Variants in TRMT11 observed in about 807,000 individuals in gnomAD.
TRMT11 encodes tRNA methyltransferase 11.
In TRMT11, 53 loss-of-function variants were observed where a neutral mutation model predicts 62.8. The ratio of observed to expected loss-of-function variants is 0.84; its 90% CI spans 0.68 to 1.06. TRMT11 has a LOEUF of 1.06. Among genes scored for constraint, TRMT11 ranks in the 50% least tolerant of loss-of-function variants. The probability of loss-of-function intolerance (pLI) is 0.00; values close to 1 mark genes in which losing one functional copy is unlikely to be tolerated. For synonymous variants in TRMT11, 188 were observed against 190.3 expected, an observed-to-expected ratio of 0.99 and a Z score of 0.10; for missense variants, 556 against 553.4, an observed-to-expected ratio of 1.00 and a Z score of -0.05.
At chr6:126,257,954 G>T in the TRMT11 span, 1 of 1,557,068 alleles carries the variant, frequency 6.4e-7, no homozygotes. Context: ...GCTTCTGCAT[G>T]CCCCGGATCT....
the TRMT11 span, chr6:126,258,285 C>T: frequency 2.0e-6 from 1 of 495,950 alleles, no homozygotes; most frequent in East Asian, 5.2e-5. Context: ...TGAAAGTAAA[C>T]ACGTGGTCCT....
At chr6:126,257,835 C>T in the TRMT11 span, 1 of 1,010,270 alleles carries the variant, frequency 9.9e-7, no homozygotes, top group Non-Finnish European at 1.5e-6. Context: ...CTGAGCCTGG[C>T]CACAGGGTCC....
At chr6:126,095,310 A>G (rs1777328285) in intron 17 of TRMT11, among the ~76,000 whole-genome samples, 1 of 152,176 alleles carries the variant, frequency 6.6e-6, no homozygotes, top group Admixed American at 6.5e-5. Flanking sequence ...CCTCAGCTAT[A>G]TTGCCTACTG....
chr6:126,113,201 A>T (rs181106227), intron 18 of TRMT11, among the ~76,000 whole-genome samples: 4 of 152,208 alleles, frequency 2.6e-5, no homozygotes, highest in African/African-American at 7.2e-5. Flanking sequence ...CTGAAGCTGT[A>T]GTATTTTGAC....
intron 17 of TRMT11, among the ~76,000 whole-genome samples, chr6:126,077,593 A>G (rs932345472): frequency 6.6e-6 from 1 of 152,122 alleles, no homozygotes; most frequent in Non-Finnish European, 1.5e-5. Context: ...CTCCCAAAGA[A>G]CTGGGACTGC....
intron 21 of TRMT11, among the ~76,000 whole-genome samples, chr6:126,121,752 G>C (rs1042447338): frequency 2.3e-4 from 35 of 152,066 alleles, no homozygotes; most frequent in African/African-American, 7.5e-4. Flanking sequence ...GACAATTTAT[G>C]TTCTCTTGGA....
At chr6:126,269,763 A>G in the TRMT11 span, among the ~76,000 whole-genome samples, 1 of 152,356 alleles carries the variant, frequency 6.6e-6, no homozygotes, top group African/African-American at 2.4e-5. Flanking sequence ...AGTTATTTCT[A>G]TAATGTGTTT....
rs1362002836 is a variant in TRMT11, at chr6:126,013,090, G to A, written c.1128G>A (p.Val376=). The A allele has an allele frequency of 6.2e-6, 10 of 1,612,570 alleles. No individual in the cohort carries two copies. The highest frequency in any genetic ancestry group is 1.3e-5 in the African/African-American group (1 of 74,776). The change falls in exon 11 of 13, where the codon GTG becomes GTA. Residue 376 remains valine (V), a synonymous_variant. Coordinates refer to ENST00000334379, the MANE Select transcript of TRMT11 (RefSeq NM_001031712.3). ...LGGRLVYWLP[V]YTPEYTEEMV... Reference sequence around the variant, plus strand: ...GAAGACTAGTCTATTGGTTACCGGTGTATACGCCAGAGTATGTAATCTTAA... The same window carrying A: ...GAAGACTAGTCTATTGGTTACCGGTATATACGCCAGAGTATGTAATCTTAA...
chr6:126,072,932 T>C (rs563520808), intron 17 of TRMT11, among the ~76,000 whole-genome samples: 2 of 152,290 alleles, frequency 1.3e-5, no homozygotes, highest in Admixed American at 6.5e-5. Flanking sequence ...TGGATTTTGG[T>C]TGGGGGACAC....
At chr6:126,189,343 CAT>C (rs1778566619) in intron 1 of TRMT11, among the ~76,000 whole-genome samples, 2 of 152,188 alleles carry the variant, frequency 1.3e-5, no homozygotes, top group Admixed American at 6.5e-5. Context: ...AATTGCAGCT[CAT>C]ATTATTAACT....
chr6:126,022,589 T>C (rs1795990768), intron 12 of TRMT11, among the ~76,000 whole-genome samples: 1 of 152,234 alleles, frequency 6.6e-6, no homozygotes, highest in South Asian at 2.1e-4. Context: ...CGCTAGTTTA[T>C]ATGTTGAATG....
the TRMT11 span, among the ~76,000 whole-genome samples, chr6:126,222,242 G>C: frequency 2.0e-5 from 3 of 152,140 alleles, no homozygotes; most frequent in Admixed American, 1.3e-4. Flanking sequence ...GTTAGGTAAC[G>C]TGATGCCTCC....
At chr6:126,011,173 A>C in intron 8 of TRMT11, 80 bp from the exon 9 acceptor site, 1 of 1,277,108 alleles carries the variant, frequency 7.8e-7, no homozygotes, top group Non-Finnish European at 1.1e-6. Flanking sequence ...TCAGTGAGTT[A>C]AAACATTACT....
chr6:126,047,210 G>T (rs1354236847), intron 16 of TRMT11, among the ~76,000 whole-genome samples: 1 of 151,806 alleles, frequency 6.6e-6, no homozygotes, highest in Non-Finnish European at 1.5e-5. Flanking sequence ...AAAACCCACG[G>T]CCCTAATTGG....
chr6:126,041,191 A>G (rs991158821), downstream of TRMT11, among the ~76,000 whole-genome samples: 9 of 152,272 alleles, frequency 5.9e-5, no homozygotes, highest in African/African-American at 1.7e-4. Context: ...ACAAAAAACA[A>G]CAACAACAAC....
At chr6:126,265,854 C>A in the TRMT11 span, among the ~76,000 whole-genome samples, 4 of 152,154 alleles carry the variant, frequency 2.6e-5, no homozygotes, top group South Asian at 2.1e-4. Context: ...CTTCTTCAAG[C>A]CATATAAGCA....
intron 1 of TRMT11, among the ~76,000 whole-genome samples, chr6:126,194,612 A>T (rs1271356800): frequency 1.3e-5 from 2 of 152,208 alleles, no homozygotes; most frequent in Non-Finnish European, 2.9e-5. Context: ...CTCTCTGGGC[A>T]TATTTAGTTC....
intron 1 of TRMT11, among the ~76,000 whole-genome samples, chr6:126,184,377 A>G (rs1333495509): frequency 2.6e-5 from 4 of 152,216 alleles, no homozygotes; most frequent in Non-Finnish European, 5.9e-5. Context: ...GCTTTGGGAC[A>G]TTAGGTGACA....
At chr6:126,181,117 T>C (rs118112852) in intron 1 of TRMT11, among the ~76,000 whole-genome samples, 28 of 152,266 alleles carry the variant, frequency 1.8e-4, no homozygotes, top group Non-Finnish European at 3.2e-4. Flanking sequence ...AACATGAAAC[T>C]CTTTTAGTGC....
Sources: gnomAD v4.1 joint callset for allele counts (sites outside exome capture counted in the v4.1 genomes callset) on GRCh38, gnomAD v4.1.1 for gene constraint, MANE v1.5 for transcripts, NCBI Gene and HGNC (gene_info 2026-07-23, HGNC 2026-07-21) for gene names.